STMN2: variants seen among roughly 807,000 people sequenced by gnomAD.
STMN2 encodes stathmin-2.
A neutral mutation model predicts 24.1 loss-of-function variants in STMN2; 2 were observed. The ratio of observed to expected loss-of-function variants is 0.08; its 90% confidence interval spans 0.03 to 0.26. The LOEUF (loss-of-function observed/expected upper bound fraction) is 0.26. Among genes scored for constraint, STMN2 ranks in the 10% least tolerant of loss-of-function variants. The probability of loss-of-function intolerance (pLI) is 1.00; values close to 1 mark genes in which losing one functional copy is unlikely to be tolerated. For synonymous variants in STMN2, 83 were observed against 77.5 expected, an observed-to-expected ratio of 1.07 and a Z score of -0.37; for missense variants, 114 against 213.6, an observed-to-expected ratio of 0.53 and a Z score of 2.91.
intron 1 of STMN2, among the ~76,000 whole-genome samples, chr8:79,620,123 G>A (rs1809475816): frequency 6.7e-6 from 1 of 148,704 alleles, no homozygotes; most frequent in Non-Finnish European, 1.5e-5. Flanking sequence ...TTATTCAGTG[G>A]CAAGCCTCAG....
chr8:79,643,262 T>A (rs1810151524), intron 3 of STMN2, among the ~76,000 whole-genome samples: 1 of 150,472 alleles, frequency 6.6e-6, no homozygotes, highest in South Asian at 2.1e-4. Context: ...GAAGTTGCTT[T>A]AAAACATTTT....
chr8:79,655,127 A>G (rs1332148461), intron 4 of STMN2, 65 bp downstream of exon 4: 1 of 1,566,936 alleles, frequency 6.4e-7, no homozygotes, highest in East Asian at 2.3e-5. Context: ...GTGAACTTCC[A>G]TATGCCTGAG....
intron 1 of STMN2, among the ~76,000 whole-genome samples, chr8:79,618,911 A>C (rs1809446985): frequency 6.6e-6 from 1 of 152,156 alleles, no homozygotes; most frequent in South Asian, 2.1e-4. Context: ...GTTTGTTCTC[A>C]CTTGTTGTTG....
At chr8:79,636,140 C>T (rs1445662857) in intron 1 of STMN2, among the ~76,000 whole-genome samples, 1 of 151,980 alleles carries the variant, frequency 6.6e-6, no homozygotes, top group Non-Finnish European at 1.5e-5. Context: ...TCACTTGAGC[C>T]CAGGAGGTGG....
At chr8:79,661,479 C>T (rs1373855116) in intron 4 of STMN2, among the ~76,000 whole-genome samples, 2 of 151,970 alleles carry the variant, frequency 1.3e-5, no homozygotes, top group East Asian at 3.8e-4. Flanking sequence ...TTCTGATGCA[C>T]AAATATCATT....
intron 1 of STMN2, among the ~76,000 whole-genome samples, chr8:79,625,932 C>CT (rs1809642919): frequency 6.6e-6 from 1 of 152,080 alleles, no homozygotes; most frequent in Non-Finnish European, 1.5e-5. Context: ...GCACTCCAGC[C>CT]TGGGCAACAA....
At chr8:79,627,539 T>G (rs746855664) in intron 1 of STMN2, among the ~76,000 whole-genome samples, 6 of 152,178 alleles carry the variant, frequency 3.9e-5, no homozygotes, top group Non-Finnish European at 8.8e-5. Context: ...TCACTTATTC[T>G]AACAGTAGAA....
intron 1 of STMN2, among the ~76,000 whole-genome samples, chr8:79,626,753 ATG>A (rs1809665699): frequency 6.6e-6 from 1 of 152,192 alleles, no homozygotes; most frequent in Non-Finnish European, 1.5e-5. Flanking sequence ...ACTCCTATGT[ATG>A]AGGGAAAATA....
At chr8:79,622,675 A>G (rs923300900) in intron 1 of STMN2, among the ~76,000 whole-genome samples, 4 of 152,190 alleles carry the variant, frequency 2.6e-5, no homozygotes, top group African/African-American at 7.2e-5. Flanking sequence ...ATCATATTTT[A>G]TATCTTACCT....
At chr8:79,664,787 C>A in intron 4 of STMN2, 28 bp from the exon 5 acceptor site, 1 of 1,609,576 alleles carries the variant, frequency 6.2e-7, no homozygotes, top group Non-Finnish European at 8.5e-7. Context: ...GGGCCTGTGA[C>A]ATTTCTTCTT....
intron 3 of STMN2, among the ~76,000 whole-genome samples, chr8:79,642,103 G>T (rs1369200470): frequency 1.3e-5 from 2 of 152,106 alleles, no homozygotes; most frequent in Non-Finnish European, 2.9e-5. Context: ...GAGTCCCACT[G>T]CCTGCCCTGG....
intron 1 of STMN2, among the ~76,000 whole-genome samples, chr8:79,635,121 T>C (rs1363244255): frequency 6.6e-6 from 1 of 152,180 alleles, no homozygotes; most frequent in Non-Finnish European, 1.5e-5. Flanking sequence ...TGATGACAAC[T>C]GACAGTGATG....
At chr8:79,652,153 T>C (rs1274601243) in intron 3 of STMN2, among the ~76,000 whole-genome samples, 1 of 152,216 alleles carries the variant, frequency 6.6e-6, no homozygotes, top group Non-Finnish European at 1.5e-5. Context: ...AGTTTTACTT[T>C]GCTTTATTTT....
intron 2 of STMN2, among the ~76,000 whole-genome samples, chr8:79,640,193 C>T (rs1033000893): frequency 1.3e-5 from 2 of 152,132 alleles, no homozygotes; most frequent in Non-Finnish European, 2.9e-5. Flanking sequence ...AGGGAAACTC[C>T]GTCTCAATAA....
intron 3 of STMN2, among the ~76,000 whole-genome samples, chr8:79,644,252 A>G (rs1810171862): frequency 1.3e-5 from 2 of 152,226 alleles, no homozygotes. Flanking sequence ...AGCATCAGGA[A>G]CAGCTGGATC....
At chr8:79,631,469 C>T in intron 1 of STMN2, 1 of 983,034 alleles carries the variant, frequency 1.0e-6, no homozygotes, top group Non-Finnish European at 1.2e-6. Context: ...AAGCAATTAG[C>T]ATTACATCAT....
chr8:79,646,062 A>T (rs1176040143), intron 3 of STMN2, among the ~76,000 whole-genome samples: 1 of 152,154 alleles, frequency 6.6e-6, no homozygotes, highest in Non-Finnish European at 1.5e-5. Flanking sequence ...TTTTTAAGTA[A>T]ATTAATAAAT....
intron 1 of STMN2, among the ~76,000 whole-genome samples, chr8:79,631,968 G>A (rs1809811573): frequency 6.6e-6 from 1 of 152,184 alleles, no homozygotes; most frequent in African/African-American, 2.4e-5. Context: ...ATGGGAGAAA[G>A]GGAAAAGGAA....
chr8:79,664,882 G>A lies in STMN2; in HGVS notation c.*8G>A, dbSNP rs1806569720. The A allele has an allele frequency of 6.2e-7, 1 of 1,612,316 alleles. No individual in the cohort carries two copies. The highest frequency in any genetic ancestry group is 1.3e-5 in the African/African-American group (1 of 74,730). ...GTTGAACTGTCTGGCTGAAGCAAGG[G>A]AGGGTCTGGCACGCCCCACCAATAG... On this transcript the variant is annotated 3_prime_UTR_variant, in exon 5 of 5. Transcript: ENST00000220876.
Sources: allele counts gnomAD v4.1 joint callset (sites outside exome capture counted in the v4.1 genomes callset), GRCh38; gene constraint gnomAD v4.1.1; transcripts MANE v1.5; gene names NCBI Gene and HGNC (gene_info 2026-07-23, HGNC 2026-07-21).